The following ADCY1 variants were observed in gnomAD, a reference collection of about 807,000 sequenced individuals.
ADCY1 encodes adenylate cyclase type 1.
In ADCY1, 28 loss-of-function variants were observed where a neutral mutation model predicts 105.4. The ratio of observed to expected loss-of-function variants is 0.27; its 90% confidence interval spans 0.20 to 0.36. The LOEUF is 0.36. Among genes scored for constraint, ADCY1 ranks in the 10% least tolerant of loss-of-function variants. ADCY1 has a pLI of 1.00. For synonymous variants in ADCY1, 655 were observed against 623.8 expected (o/e 1.05, Z -0.75); for missense variants, 977 against 1,434.2 (o/e 0.68, Z 5.15).
intron 8 of ADCY1, among the ~76,000 whole-genome samples, chr7:45,668,590 CT>C (rs938684354): frequency 1.3e-5 from 2 of 151,906 alleles, no homozygotes; most frequent in South Asian, 2.1e-4. Context: ...CTAAAATTCT[CT>C]TTTTTTTGTT....
At chr7:45,690,407 AG>A (rs1455468951) in intron 14 of ADCY1, among the ~76,000 whole-genome samples, 1 of 152,148 alleles carries the variant, frequency 6.6e-6, no homozygotes, top group African/African-American at 2.4e-5. Context: ...GGGAACAGAG[AG>A]GGCTGCCTGA....
intron 4 of ADCY1, among the ~76,000 whole-genome samples, chr7:45,634,925 G>T (rs1406751473): frequency 6.6e-6 from 1 of 152,096 alleles, no homozygotes; most frequent in Non-Finnish European, 1.5e-5. Context: ...TTCTTATTCT[G>T]TACATGGTGT....
At position 45,703,482 on chromosome 7, in the gene ADCY1, C is replaced by G; in HGVS notation, c.2561C>G (p.Pro854Arg). 1 of 1,614,106 alleles carries G rather than the reference C, an allele frequency of 6.2e-7. No homozygotes were observed. Among genetic ancestry groups the G allele is most frequent in the Non-Finnish European group, 8.5e-7 (1 of 1,179,996 alleles). Residue 854 changes from proline to arginine, a missense_variant, in exon 15 of 20, where the codon CCT (proline) becomes CGT (arginine). Around this residue, in one of 7 missense-constraint regions of ADCY1, gnomAD observed 152 missense variants for 293.7 expected, o/e 0.52. Coordinates refer to ENST00000297323, the MANE Select transcript of ADCY1 (RefSeq NM_021116.4). The surrounding 1 kb of genome is among the most constrained non-coding windows in gnomAD (Gnocchi z 5.9). ...HVAQHFLMSN[P>R]RNMDLYYQSY... ...GCCCAGCACTTCCTCATGTCCAACC[C>G]TCGGAACATGGTGAGCACCCAGCCT... is the stretch of plus-strand genomic sequence containing the variant.
chr7:45,648,926 T>C (rs1323497642), intron 5 of ADCY1, 129 bp downstream of exon 5: 1 of 1,137,040 alleles, frequency 8.8e-7, no homozygotes. Flanking sequence ...TGGGTCTGTC[T>C]GAGGCTGCAG....
chr7:45,638,789 G>A (rs746159098), intron 4 of ADCY1, among the ~76,000 whole-genome samples: 4 of 152,174 alleles, frequency 2.6e-5, no homozygotes, highest in Non-Finnish European at 2.9e-5. Flanking sequence ...GGCATTATAT[G>A]CAGGAAAGAG....
intron 11 of ADCY1, among the ~76,000 whole-genome samples, chr7:45,681,268 G>A (rs1161050696): frequency 6.6e-6 from 1 of 152,172 alleles, no homozygotes; most frequent in Admixed American, 6.5e-5. Context: ...GGGAACTTTG[G>A]CCAGAATAAT....
At position 45,583,937 on chromosome 7, in the gene ADCY1, G is replaced by GTTTTT. The variant is rs869216986; in HGVS notation, c.639+8779_639+8783dup. Among the ~76,000 whole-genome samples the GTTTTT allele has an allele frequency of 5.8e-4, 33 of 56,896 alleles. 5 individuals carry two copies. Among genetic ancestry groups the GTTTTT allele is most frequent in the African/African-American group, 1.3e-3 (19 of 14,518 alleles). The allele number at this position is 56,896 out of a possible 152,430, so 37.3% of individuals were successfully genotyped here. On this transcript the variant is annotated intron_variant, in intron 1 of 19. Transcript: ENST00000297323. The stretch of plus-strand genomic sequence containing the variant: ...TTACAGGCATGAGCCACTGTGCCCT[G>GTTTTT]TTTTTTTTTTTTTTTTTTTTTTTTT...
At chr7:45,617,476 T>C (rs924763956) in intron 3 of ADCY1, among the ~76,000 whole-genome samples, 1 of 152,204 alleles carries the variant, frequency 6.6e-6, no homozygotes, top group African/African-American at 2.4e-5. Context: ...TGGCCAAGGC[T>C]GTGACTGCTG....
At chr7:45,649,493 G>A (rs1268946210) in intron 5 of ADCY1, among the ~76,000 whole-genome samples, 1 of 152,214 alleles carries the variant, frequency 6.6e-6, no homozygotes, top group Admixed American at 6.5e-5. Context: ...AGGGATTGGG[G>A]CATAGCTTCA....
intron 4 of ADCY1, among the ~76,000 whole-genome samples, chr7:45,630,743 C>T (rs1444232541): frequency 6.6e-6 from 1 of 152,182 alleles, no homozygotes; most frequent in African/African-American, 2.4e-5. Flanking sequence ...GTATTCAGGG[C>T]TTATCTGGAT....
intron 8 of ADCY1, among the ~76,000 whole-genome samples, chr7:45,674,008 T>C (rs1194927966): frequency 7.5e-4 from 106 of 141,346 alleles, no homozygotes; most frequent in African/African-American, 2.7e-3. Flanking sequence ...TATATATATA[T>C]GTTTTTGTTG....
intron 3 of ADCY1, among the ~76,000 whole-genome samples, chr7:45,617,308 G>A (rs1358150693): frequency 6.6e-6 from 1 of 152,198 alleles, no homozygotes; most frequent in Non-Finnish European, 1.5e-5. Context: ...TGGGGCTTAA[G>A]CAGGATGTGA....
chr7:45,722,091 C>G lies in ADCY1; in HGVS notation c.*8096C>G, dbSNP rs949656805. On this transcript the variant is annotated 3_prime_UTR_variant, in exon 20 of 20. Coordinates refer to ENST00000297323, the MANE Select transcript of ADCY1 (RefSeq NM_021116.4). Reference sequence around the variant, plus strand: ...TTCTCACCTCCCACCAGCAACCCCCCACCCAACTCTGGGCCCCAGGCACAC... The same window carrying G: ...TTCTCACCTCCCACCAGCAACCCCCGACCCAACTCTGGGCCCCAGGCACAC... The G allele has an allele frequency of 3.4e-5, 12 of 350,470 alleles. No individual in the cohort carries two copies. The highest frequency in any genetic ancestry group is 2.5e-4 in the African/African-American group (12 of 47,768). The allele number at this position is 350,470 out of a possible 1,614,324, so 21.7% of individuals were successfully genotyped here. A position where few individuals can be genotyped will look rare whatever the true frequency, so the allele number is the denominator to read the frequency against.
intron 3 of ADCY1, among the ~76,000 whole-genome samples, chr7:45,610,815 G>A (rs796087661): frequency 2.9e-4 from 18 of 61,838 alleles, no homozygotes; most frequent in East Asian, 1.6e-3. Flanking sequence ...TGATGGTGGA[G>A]GTATGGAGGT....
chr7:45,654,942 GCCCTT>G (rs145091002), intron 5 of ADCY1, among the ~76,000 whole-genome samples: 2,344 of 152,296 alleles, frequency 0.015, 47 homozygotes, highest in African/African-American at 0.044. Flanking sequence ...CATTTGCCCT[GCCCTT>G]CCCGCCACAC....
Position 45,701,965 on chromosome 7 carries a change from A to C in ADCY1, c.2455-1411A>C, listed in dbSNP as rs146364452. On this transcript the variant is annotated intron_variant, in intron 14 of 19. Transcript: ENST00000297323. ...CAGGAAGAAACACCTGGCGCCGTCT[A>C]TCTCCATGGATCGCACTGATTCGCT... 1.7e-3 allele frequency among the ~76,000 whole-genome samples: 254 copies of C among 152,278 alleles called. 3 individuals carry two copies. In the East Asian group the frequency reaches 0.038, roughly 23 times the overall value.
chr7:45,586,926 C>G (rs531848459), intron 1 of ADCY1, among the ~76,000 whole-genome samples: 1 of 152,230 alleles, frequency 6.6e-6, no homozygotes, highest in African/African-American at 2.4e-5. Context: ...GCAGGCCCCC[C>G]GACCTGTGCC....
rs141328769 is a variant in ADCY1 at position 45,647,239 on chromosome 7, C to T, written c.1021-1431C>T. ...AGGCCATTCAGCTGCTAGGCCAATC[C>T]CTGCTCAGCCTGGGAACTGGGGCTC... On this transcript the variant is annotated intron_variant, in intron 4 of 19. Coordinates refer to ENST00000297323, the MANE Select transcript of ADCY1 (RefSeq NM_021116.4). This position sits in a 1 kb window ranked among gnomAD's most constrained non-coding sequence, Gnocchi z 4.6. Among the ~76,000 whole-genome samples, 96 of 152,342 alleles carry T rather than the reference C, an allele frequency of 6.3e-4. No homozygotes were observed. The highest frequency in any genetic ancestry group is 2.2e-3 in the African/African-American group (92 of 41,572).
intron 1 of ADCY1, among the ~76,000 whole-genome samples, chr7:45,580,646 C>T (rs1320915684): frequency 6.6e-6 from 1 of 152,236 alleles, no homozygotes; most frequent in Non-Finnish European, 1.5e-5. Flanking sequence ...ACTGGGCGCT[C>T]AGCCAGGATC....
Sources: allele counts gnomAD v4.1 joint callset (sites outside exome capture counted in the v4.1 genomes callset), GRCh38; gene constraint gnomAD v4.1.1; regional missense constraint gnomAD v4.1.1; non-coding constraint Gnocchi (gnomAD v3.1); transcripts MANE v1.5; gene names NCBI Gene and HGNC (gene_info 2026-07-23, HGNC 2026-07-21).